DOCK7: variants seen among roughly 807,000 people sequenced by gnomAD.
DOCK7 encodes dedicator of cytokinesis 7.
A neutral mutation model predicts 271.0 loss-of-function variants in DOCK7; 138 were observed. The ratio of observed to expected loss-of-function variants is 0.51; its 90% CI spans 0.44 to 0.59. The LOEUF (loss-of-function observed/expected upper bound fraction) is 0.59. Ranked by LOEUF, DOCK7 falls within the 20% of genes least tolerant of loss-of-function variation. DOCK7 has a pLI of 0.00. For missense variants in DOCK7, 2,066 were observed against 2,592.4 expected (o/e 0.80, Z 4.41); for synonymous variants, 823 against 876.1 (o/e 0.94, Z 1.07).
chr1:62,641,677 C>T lies in DOCK7; in HGVS notation c.819-5074G>A, dbSNP rs533040318. The T allele has an allele frequency of 9.4e-6, 4 of 425,570 alleles. No individual in the cohort carries two copies. The East Asian group carries it at 2.1e-4, about 22-fold the overall frequency. The allele number at this position is 425,570 out of a possible 1,614,324, so 26.4% of individuals were successfully genotyped here. A position where few individuals can be genotyped will look rare whatever the true frequency, so the allele number is the denominator to read the frequency against. ...TGGCCACAATGGCCGCTGGGCAACC[C>T]GGAGATGGCCTCAGCCTCATGCACC... On this transcript the variant is annotated intron_variant, in intron 7 of 49. Coordinates refer to ENST00000635253, the MANE Select transcript of DOCK7 (RefSeq NM_001367561.1).
chr1:62,515,729 T>G (rs1644641850), intron 31 of DOCK7, among the ~76,000 whole-genome samples: 1 of 152,208 alleles, frequency 6.6e-6, no homozygotes, highest in African/African-American at 2.4e-5. Context: ...CAATGATTTT[T>G]AAATTTAATG....
chr1:62,540,472 G>C (rs1645492767), intron 25 of DOCK7, among the ~76,000 whole-genome samples: 1 of 151,876 alleles, frequency 6.6e-6, no homozygotes, highest in Non-Finnish European at 1.5e-5. Flanking sequence ...ATCACATCCA[G>C]CCAAAAAAAG....
intron 1 of DOCK7, among the ~76,000 whole-genome samples, chr1:62,675,034 G>A (rs1256368453): frequency 6.6e-6 from 1 of 152,262 alleles, no homozygotes; most frequent in Middle Eastern, 3.4e-3. Flanking sequence ...GACAATAGTT[G>A]TAAATTATAT....
intron 12 of DOCK7, among the ~76,000 whole-genome samples, chr1:62,624,863 C>T (rs567675710): frequency 6.6e-6 from 1 of 152,006 alleles, no homozygotes; most frequent in Non-Finnish European, 1.5e-5. Context: ...CCCAGCTACT[C>T]AGGAGGCTGA....
In DOCK7 at chr1:62,650,700, A is replaced by T. The variant is rs185479089; in HGVS notation, c.390-2156T>A. ...CCAACAGACACATGAAAAAATGCTCATCATCACTGGCCATCAGAGAAATGC... is the reference window on the plus strand; with the variant it reads ...CCAACAGACACATGAAAAAATGCTCTTCATCACTGGCCATCAGAGAAATGC... On this transcript the variant is annotated intron_variant, in intron 4 of 49. Coordinates refer to ENST00000635253, the MANE Select transcript of DOCK7 (RefSeq NM_001367561.1). 2.2e-3 allele frequency among the ~76,000 whole-genome samples: 330 copies of T among 152,352 alleles called. 3 individuals carry two copies. Among genetic ancestry groups the T allele is most frequent in the Admixed American group, 0.011 (173 of 15,308 alleles).
chr1:62,572,544 G>A (rs908191018), intron 18 of DOCK7, among the ~76,000 whole-genome samples: 1 of 152,192 alleles, frequency 6.6e-6, no homozygotes, highest in African/African-American at 2.4e-5. Context: ...CAGTTCTGGA[G>A]ACTGAAAGTC....
At chr1:62,592,801 T>C (rs777259224) in intron 14 of DOCK7, among the ~76,000 whole-genome samples, 21 of 152,178 alleles carry the variant, frequency 1.4e-4, no homozygotes, top group Non-Finnish European at 2.8e-4. Context: ...AACTCTCATA[T>C]ACTCCTGGCA....
Position 62,475,847 on chromosome 1 carries a change from A to G in DOCK7, c.5821T>C (p.Phe1941Leu), listed in dbSNP as rs755957768. Residue 1941 changes from phenylalanine (F) to leucine (L), a missense_variant, in exon 46 of 50, where the codon TTC (phenylalanine) becomes CTC (leucine). Physicochemically the swap from Phe to Leu is conservative, Grantham distance 22 (BLOSUM62 0). This residue lies in a region of DOCK7 where 652 missense variants were observed against 922.1 expected (regional missense o/e 0.71). Transcript: ENST00000635253. ...AAAGTAAAGGGTGTACAGTACATGA[A>G]TCGACGAAGATTGTAATTTTTGTCG... The part of the protein sequence containing the change: ...YFDKNYNLRR[F>L]MYCTPFTLDG... 2 of 1,613,994 alleles carry G rather than the reference A, an allele frequency of 1.2e-6. No homozygotes were observed. Among genetic ancestry groups the G allele is most frequent in the African/African-American group, 2.7e-5 (2 of 74,930 alleles).
At chr1:62,665,295 G>A (rs779938741) in intron 1 of DOCK7, among the ~76,000 whole-genome samples, 12 of 152,202 alleles carry the variant, frequency 7.9e-5, no homozygotes, top group Admixed American at 6.5e-5. Context: ...AGCCTCATTA[G>A]GGATTTTAAT....
At chr1:62,464,616 A>C (rs978527995) in intron 48 of DOCK7, among the ~76,000 whole-genome samples, 1 of 151,970 alleles carries the variant, frequency 6.6e-6, no homozygotes. Context: ...CGGGAGGTAG[A>C]GGTTGCAGTA....
chr1:62,551,876 T>C (rs975182416), intron 22 of DOCK7, among the ~76,000 whole-genome samples: 1 of 151,524 alleles, frequency 6.6e-6, no homozygotes, highest in Non-Finnish European at 1.5e-5. Context: ...TCATTACATA[T>C]ATATATAGGC....
chr1:62,470,247 A>C (rs1645793766), intron 48 of DOCK7, among the ~76,000 whole-genome samples: 1 of 152,256 alleles, frequency 6.6e-6, no homozygotes. Context: ...AAAAGGAATG[A>C]GTAAATAGCA....
intron 37 of DOCK7, among the ~76,000 whole-genome samples, chr1:62,502,251 C>G (rs1442292912): frequency 6.6e-6 from 1 of 152,112 alleles, no homozygotes; most frequent in Non-Finnish European, 1.5e-5. Flanking sequence ...CCAAGTCACA[C>G]ACGAATGCAC....
intron 25 of DOCK7, among the ~76,000 whole-genome samples, chr1:62,540,684 T>C (rs928162157): frequency 1.3e-5 from 2 of 152,188 alleles, no homozygotes; most frequent in Non-Finnish European, 2.9e-5. Flanking sequence ...TTCTTTATTA[T>C]AACACTGTGG....
Position 62,496,454 on chromosome 1 carries a change from G to A in DOCK7, c.4808C>T (p.Ser1603Phe), listed in dbSNP as rs1159279260. The A allele has an allele frequency of 1.2e-6, 2 of 1,613,406 alleles. No individual in the cohort carries two copies. The highest frequency in any genetic ancestry group is 1.7e-6 in the Non-Finnish European group (2 of 1,179,690). The change falls in exon 38 of 50, where the codon TCC becomes TTC. Residue 1603 changes from serine to phenylalanine, a missense_variant. Coordinates refer to ENST00000635253, the MANE Select transcript of DOCK7 (RefSeq NM_001367561.1). ...AAAATTCTGAGATGTGCCCACCAAG[G>A]AGGATAGTGACATTGTTACCTGCAT... ...VKMQVTMSLS[S>F]LVGTSQNFNE...
At position 62,636,621 on chromosome 1, in the gene DOCK7, A is replaced by G. The variant is rs1448959166; in HGVS notation, c.819-18T>C. The G allele has an allele frequency of 2.2e-5, 34 of 1,562,420 alleles. No individual in the cohort carries two copies. Among genetic ancestry groups the G allele is most frequent in the Non-Finnish European group, 2.9e-5 (33 of 1,143,254 alleles). The stretch of plus-strand genomic sequence containing the variant: ...TTTCAAACCTTTATGAAGAAAAAGG[A>G]TAAAATAATTTAAAGATAAACATGA... On this transcript the variant is annotated intron_variant, in intron 7 of 49. Coordinates refer to ENST00000635253, the MANE Select transcript of DOCK7 (RefSeq NM_001367561.1).
chr1:62,597,199 T>C (rs778498352), intron 14 of DOCK7, among the ~76,000 whole-genome samples: 6 of 152,138 alleles, frequency 3.9e-5, no homozygotes, highest in Non-Finnish European at 8.8e-5. Context: ...ATAATAAATT[T>C]ACCCAACAAA....
chr1:62,639,540 T>C (rs923218516), intron 7 of DOCK7, among the ~76,000 whole-genome samples: 3 of 142,208 alleles, frequency 2.1e-5, no homozygotes, highest in Non-Finnish European at 4.5e-5. Context: ...GTTCACGCCA[T>C]TCTCCTGCCT....
At chr1:62,589,261 A>T (rs1190415676) in intron 14 of DOCK7, among the ~76,000 whole-genome samples, 1 of 152,180 alleles carries the variant, frequency 6.6e-6, no homozygotes, top group Non-Finnish European at 1.5e-5. Context: ...TCCTCCAAAA[A>T]CGATCAATTA....
Sources: allele counts gnomAD v4.1 joint callset (sites outside exome capture counted in the v4.1 genomes callset), GRCh38; gene constraint gnomAD v4.1.1; regional missense constraint gnomAD v4.1.1; transcripts MANE v1.5; gene names NCBI Gene and HGNC (gene_info 2026-07-23, HGNC 2026-07-21).